MYOM2: variants seen among roughly 807,000 people sequenced by gnomAD.
MYOM2 encodes myomesin-2.
Under a neutral mutation model 187.6 loss-of-function variants are expected in MYOM2, and 254 were observed. That is an observed-to-expected ratio of 1.35 (90% CI 1.22 to 1.50). The LOEUF (loss-of-function observed/expected upper bound fraction) is 1.50, where lower values mean the gene tolerates loss of function less well. Among genes scored for constraint, MYOM2 ranks in the 40% most tolerant of loss-of-function variants. The pLI is 0.00. For synonymous variants in MYOM2, 981 were observed against 753.8 expected, an observed-to-expected ratio of 1.30 and a Z score of -4.94; for missense variants, 2,796 against 1,924.0, an observed-to-expected ratio of 1.45 and a Z score of -8.48.
intron 6 of MYOM2, among the ~76,000 whole-genome samples, chr8:2,061,355 T>C (rs2129330794): frequency 6.6e-6 from 1 of 152,232 alleles, no homozygotes; most frequent in Non-Finnish European, 1.5e-5. Context: ...AAGGGACTAG[T>C]CTTTGTCCCC....
At chr8:2,074,364 G>T (rs1819341215) in intron 10 of MYOM2, among the ~76,000 whole-genome samples, 1 of 152,122 alleles carries the variant, frequency 6.6e-6, no homozygotes, top group African/African-American at 2.4e-5. Flanking sequence ...TTTTGCTGGA[G>T]CCTGGAACCT....
chr8:2,129,533 A>C (rs1042548576), intron 32 of MYOM2, among the ~76,000 whole-genome samples: 3 of 152,214 alleles, frequency 2.0e-5, no homozygotes, highest in African/African-American at 7.2e-5. Context: ...AAGCGAACAG[A>C]GAGCTGAAGC....
intron 14 of MYOM2, among the ~76,000 whole-genome samples, chr8:2,089,350 C>A (rs1189201894): frequency 6.6e-6 from 1 of 151,398 alleles, no homozygotes; most frequent in South Asian, 2.1e-4. Flanking sequence ...TATAAAATAG[C>A]CACATTAACG....
chr8:2,085,451 T>G, intron 14 of MYOM2, 61 bp downstream of exon 14: 2 of 1,577,654 alleles, frequency 1.3e-6, no homozygotes, highest in South Asian at 1.2e-5. Context: ...ACTGTCATGA[T>G]CTCTGCGTGG....
At chr8:2,127,195 A>C (rs1190555930) in intron 31 of MYOM2, among the ~76,000 whole-genome samples, 1 of 152,050 alleles carries the variant, frequency 6.6e-6, no homozygotes, top group Non-Finnish European at 1.5e-5. Flanking sequence ...CCAGTTCCCA[A>C]GCTCTTTTTC....
rs78845555 is a variant in MYOM2, at chr8:2,140,879, C to A, written c.3957C>A (p.Ser1319=). Residue 1319 remains serine, a synonymous_variant, in exon 33 of 37, where the codon TCC becomes TCA. Coordinates refer to ENST00000262113, the MANE Select transcript of MYOM2 (RefSeq NM_003970.4). ...KDNHQRSLDL[S]GQAFDEAFAE... Reference sequence around the variant, plus strand: ...ACCATCAACGCTCCCTTGACCTGTCCGGACAAGGTAAGAGAATTCTTCTTT... The same window carrying A: ...ACCATCAACGCTCCCTTGACCTGTCAGGACAAGGTAAGAGAATTCTTCTTT... 2.5e-6 allele frequency: 4 copies of A among 1,608,728 alleles called. No individual in the cohort carries two copies. Among genetic ancestry groups the A allele is most frequent in the Non-Finnish European group, 3.4e-6 (4 of 1,177,264 alleles).
chr8:2,111,372 C>G (rs1797062499), intron 25 of MYOM2, among the ~76,000 whole-genome samples: 1 of 152,176 alleles, frequency 6.6e-6, no homozygotes, highest in South Asian at 2.1e-4. Flanking sequence ...TTTGTAAAAC[C>G]TGCCCAGACA....
At chr8:2,085,455 TGCG>T in intron 14 of MYOM2, 65 bp downstream of exon 14, 1 of 1,561,830 alleles carries the variant, frequency 6.4e-7, no homozygotes, top group Non-Finnish European at 8.7e-7. Flanking sequence ...TCATGATCTC[TGCG>T]TGGCCCACCG....
intron 32 of MYOM2, among the ~76,000 whole-genome samples, chr8:2,139,692 A>G (rs1197380531): frequency 6.6e-6 from 1 of 152,054 alleles, no homozygotes; most frequent in African/African-American, 2.4e-5. Context: ...TCCACATTCC[A>G]GCTCTTGGGT....
intron 15 of MYOM2, among the ~76,000 whole-genome samples, chr8:2,091,449 C>A (rs972807572): frequency 1.3e-5 from 2 of 152,134 alleles, no homozygotes; most frequent in East Asian, 3.9e-4. Context: ...ATAACTCCTT[C>A]GTGGATGGCA....
At chr8:2,072,620 C>T in intron 9 of MYOM2, 111 bp downstream of exon 9, 1 of 1,314,722 alleles carries the variant, frequency 7.6e-7, no homozygotes, top group Non-Finnish European at 1.0e-6. Context: ...GGGTCAGCTC[C>T]AGACAGCGAA....
chr8:2,132,783 C>T (rs754590469), intron 32 of MYOM2, among the ~76,000 whole-genome samples: 2 of 152,192 alleles, frequency 1.3e-5, no homozygotes, highest in South Asian at 2.1e-4. Context: ...TATTTTAATT[C>T]ATTTCAGGAG....
chr8:2,073,527 C>T lies in MYOM2; in HGVS notation c.1120+27C>T, dbSNP rs760229038. 9.5e-5 allele frequency: 148 copies of T among 1,566,030 alleles called. No individual in the cohort carries two copies. In the African/African-American group the frequency reaches 1.9e-3, roughly 21 times the overall value. ...TGCGGGCAGCAGGGTTCTCAGGGTG[C>T]AGACCTTGTGTGTGCCCGGGGAGGG... On this transcript the variant is annotated intron_variant, in intron 10 of 36. Coordinates refer to ENST00000262113, the MANE Select transcript of MYOM2 (RefSeq NM_003970.4).
Position 2,102,695 on chromosome 8 carries a change from A to C in MYOM2, c.2648A>C (p.Tyr883Ser). The change falls in exon 21 of 37, where the codon TAT (tyrosine) becomes TCT (serine). Residue 883 changes from tyrosine (Y) to serine (S), a missense_variant. Physicochemically the swap from Tyr to Ser is moderately radical, Grantham distance 144 (BLOSUM62 -2). Coordinates refer to ENST00000262113, the MANE Select transcript of MYOM2 (RefSeq NM_003970.4). ...TCTGACCTGCAGCAAGGTAAGACCT[A>C]TGTCTTCAGGGTCCGGGCAGTCAAT... Reference protein sequence around the residue: ...KVSDLQQGKTYVFRVRAVNAN... With the variant: ...KVSDLQQGKTSVFRVRAVNAN... 6.2e-7 allele frequency: 1 copy of C among 1,613,832 alleles called. No homozygotes were observed. Among genetic ancestry groups the C allele is most frequent in the Non-Finnish European group, 8.5e-7 (1 of 1,179,682 alleles).
intron 5 of MYOM2, 95 bp downstream of exon 5, chr8:2,057,875 C>A: frequency 7.6e-7 from 1 of 1,313,776 alleles, no homozygotes; most frequent in Non-Finnish European, 1.0e-6. Context: ...TGAACCTGTG[C>A]TGGAGGCCAC....
chr8:2,112,106 A>G (rs1797086735), intron 25 of MYOM2, among the ~76,000 whole-genome samples: 1 of 152,168 alleles, frequency 6.6e-6, no homozygotes, highest in African/African-American at 2.4e-5. Flanking sequence ...GGACGGCAGC[A>G]CCTACCCTGT....
At chr8:2,063,687 C>A (rs1402714706) in intron 6 of MYOM2, among the ~76,000 whole-genome samples, 2 of 152,154 alleles carry the variant, frequency 1.3e-5, no homozygotes, top group Non-Finnish European at 1.5e-5. Flanking sequence ...GCGTCATCAC[C>A]ACTTATAATT....
rs747250122 is a variant in MYOM2, at chr8:2,124,218, G to T, written c.3694+1G>T. ...ATTTTGGCAATGAGTAGAGTCTGTGGTAAGTAAATGCCTTTTAATTTTCAA... is the reference window on the plus strand; with the variant it reads ...ATTTTGGCAATGAGTAGAGTCTGTGTTAAGTAAATGCCTTTTAATTTTCAA... On this transcript the variant is annotated splice_donor_variant, in intron 31 of 36. Coordinates refer to ENST00000262113, the MANE Select transcript of MYOM2 (RefSeq NM_003970.4). LOFTEE classifies it high-confidence loss of function. 1.3e-5 allele frequency: 21 copies of T among 1,611,412 alleles called. No homozygotes were observed. The highest frequency in any genetic ancestry group is 1.7e-5 in the Non-Finnish European group (20 of 1,178,182).
intron 15 of MYOM2, among the ~76,000 whole-genome samples, chr8:2,090,608 C>G (rs988478537): frequency 1.3e-5 from 2 of 152,164 alleles, no homozygotes; most frequent in African/African-American, 2.4e-5. Flanking sequence ...TTTGCCTGCT[C>G]CTCTCCCTCC....
Sources: allele counts gnomAD v4.1 joint callset (sites outside exome capture counted in the v4.1 genomes callset), GRCh38; gene constraint gnomAD v4.1.1; transcripts MANE v1.5; gene names NCBI Gene and HGNC (gene_info 2026-07-23, HGNC 2026-07-21).